Variants in ROBO2 observed in about 807,000 individuals in gnomAD.
ROBO2 encodes roundabout guidance receptor 2, also known as roundabout homolog 2.
A neutral mutation model predicts 160.8 loss-of-function variants in ROBO2; 53 were observed. The ratio of observed to expected loss-of-function variants is 0.33; its 90% CI spans 0.26 to 0.41. The LOEUF (loss-of-function observed/expected upper bound fraction) is 0.41. Ranked by LOEUF, ROBO2 falls within the 10% of genes least tolerant of loss-of-function variation. The pLI, the probability that ROBO2 is intolerant of heterozygous loss-of-function variation, is 1.00. For synonymous variants in ROBO2, 664 were observed against 611.7 expected, an observed-to-expected ratio of 1.09 and a Z score of -1.26; for missense variants, 1,577 against 1,722.4, an observed-to-expected ratio of 0.92 and a Z score of 1.49.
intron 2 of ROBO2, among the ~76,000 whole-genome samples, chr3:77,186,036 T>C (rs958239381): frequency 4.0e-5 from 6 of 151,776 alleles, no homozygotes; most frequent in African/African-American, 1.5e-4. Context: ...GGGGAAAGGA[T>C]GGAAAGGGGA....
intron 2 of ROBO2, among the ~76,000 whole-genome samples, chr3:76,334,246 T>A (rs1252442996): frequency 2.0e-5 from 3 of 152,222 alleles, no homozygotes; most frequent in African/African-American, 7.2e-5. Flanking sequence ...TCTTGTTTAA[T>A]CATTTTTTAT....
chr3:76,860,452 C>T (rs1204602383), intron 2 of ROBO2, among the ~76,000 whole-genome samples: 1 of 152,202 alleles, frequency 6.6e-6, no homozygotes, highest in Non-Finnish European at 1.5e-5. Flanking sequence ...TATCTCCAAA[C>T]TATTTTTATA....
chr3:76,029,321 T>A (rs1201393182), intron 2 of ROBO2, among the ~76,000 whole-genome samples: 1 of 152,052 alleles, frequency 6.6e-6, no homozygotes, highest in Non-Finnish European at 1.5e-5. Context: ...TATATTAATG[T>A]CTCCTAAATA....
chr3:76,022,355 C>G (rs778280449), intron 2 of ROBO2, among the ~76,000 whole-genome samples: 7 of 151,804 alleles, frequency 4.6e-5, no homozygotes, highest in Non-Finnish European at 1.0e-4. Context: ...TCCTTAGTGT[C>G]ATCTAGAGTA....
At chr3:77,213,835 T>G (rs1459893339) in intron 2 of ROBO2, among the ~76,000 whole-genome samples, 1 of 152,222 alleles carries the variant, frequency 6.6e-6, no homozygotes, top group African/African-American at 2.4e-5. Context: ...TTTCATTATG[T>G]ACCCAGTAGT....
At chr3:76,284,265 G>A (rs1428309096) in intron 2 of ROBO2, among the ~76,000 whole-genome samples, 2 of 151,876 alleles carry the variant, frequency 1.3e-5, no homozygotes, top group Non-Finnish European at 2.9e-5. Context: ...TCCTACTTCT[G>A]GGGTCAGAGA....
chr3:76,789,821 A>C (rs2063234268), intron 2 of ROBO2, among the ~76,000 whole-genome samples: 1 of 151,634 alleles, frequency 6.6e-6, no homozygotes, highest in East Asian at 1.9e-4. Context: ...TCAAGGGCTC[A>C]CACACAAAAA....
intron 2 of ROBO2, among the ~76,000 whole-genome samples, chr3:76,659,333 T>C (rs1251620998): frequency 1.3e-5 from 2 of 149,402 alleles, no homozygotes; most frequent in Non-Finnish European, 3.0e-5. Context: ...TTTATACATA[T>C]ACATATATAA....
At chr3:77,436,660 T>C (rs978659034) in intron 2 of ROBO2, among the ~76,000 whole-genome samples, 3 of 151,848 alleles carry the variant, frequency 2.0e-5, no homozygotes, top group African/African-American at 7.2e-5. Flanking sequence ...TAGAAACTAA[T>C]TTATGTGTAG....
chr3:76,998,732 G>A lies in ROBO2; in HGVS notation c.110-99282G>A, dbSNP rs4352407. 5.1e-3 allele frequency among the ~76,000 whole-genome samples: 775 copies of A among 152,144 alleles called. 9 individuals are homozygous for A. Among genetic ancestry groups the A allele is most frequent in the African/African-American group, 0.018 (728 of 41,526 alleles). ...CAACTAGCCTATGACTAATTTTCAC[G>A]CCTGGGGGAATTTGGTGATTGATGA... On this transcript the variant is annotated intron_variant, in intron 2 of 26. Coordinates refer to the ROBO2 transcript ENST00000487694.
chr3:76,524,853 A>T (rs2081852570), intron 2 of ROBO2, among the ~76,000 whole-genome samples: 1 of 145,964 alleles, frequency 6.9e-6, no homozygotes. Context: ...AAAAAAAAAA[A>T]AAAAAAAAAA....
chr3:76,175,086 G>T (rs930855154), intron 2 of ROBO2, among the ~76,000 whole-genome samples: 4 of 151,984 alleles, frequency 2.6e-5, no homozygotes, highest in African/African-American at 9.7e-5. Context: ...CATGTCCCTT[G>T]TAAGTTTTAT....
intron 2 of ROBO2, among the ~76,000 whole-genome samples, chr3:76,423,929 G>A (rs746414585): frequency 6.6e-6 from 1 of 152,146 alleles, no homozygotes; most frequent in South Asian, 2.1e-4. Context: ...TCCAGCAGTA[G>A]AGCCTACTCA....
At chr3:77,270,399 A>G (rs989353884) in intron 2 of ROBO2, among the ~76,000 whole-genome samples, 1 of 152,208 alleles carries the variant, frequency 6.6e-6, no homozygotes, top group Admixed American at 6.5e-5. Flanking sequence ...TTAAAGTCAT[A>G]TAACTATCTG....
intron 2 of ROBO2, among the ~76,000 whole-genome samples, chr3:77,419,502 A>C (rs1270809645): frequency 7.2e-5 from 11 of 152,198 alleles, no homozygotes. Flanking sequence ...GAGAGGTGGC[A>C]CATGAGCATA....
At chr3:76,918,519 A>T (rs2148975623) in intron 2 of ROBO2, among the ~76,000 whole-genome samples, 1 of 152,344 alleles carries the variant, frequency 6.6e-6, no homozygotes, top group Non-Finnish European at 1.5e-5. Flanking sequence ...GGGGTTACAC[A>T]TCAGTAATAA....
At chr3:77,218,111 G>A (rs993506492) in intron 2 of ROBO2, among the ~76,000 whole-genome samples, 2 of 152,140 alleles carry the variant, frequency 1.3e-5, no homozygotes, top group African/African-American at 4.8e-5. Context: ...TAGACATCCT[G>A]TTTCAGTTAA....
intron 2 of ROBO2, among the ~76,000 whole-genome samples, chr3:76,543,574 T>C (rs1252065120): frequency 1.3e-5 from 2 of 152,104 alleles, no homozygotes; most frequent in African/African-American, 4.8e-5. Flanking sequence ...AATTTTAGGA[T>C]TGCCATTTGC....
chr3:76,723,878 C>T (rs573524991), intron 2 of ROBO2, among the ~76,000 whole-genome samples: 12 of 152,292 alleles, frequency 7.9e-5, no homozygotes, highest in African/African-American at 2.6e-4. Context: ...AATACCATAC[C>T]AGACCTCTTA....
Sources: gnomAD v4.1 joint callset for allele counts (sites outside exome capture counted in the v4.1 genomes callset) on GRCh38, gnomAD v4.1.1 for gene constraint, MANE v1.5 for transcripts, NCBI Gene and HGNC (gene_info 2026-07-23, HGNC 2026-07-21) for gene names.